Variants in PACS2 observed in about 807,000 individuals in gnomAD.
PACS2 encodes the protein phosphofurin acidic cluster sorting protein 2.
A neutral mutation model predicts 113.0 loss-of-function variants in PACS2; 36 were observed. That is an observed-to-expected ratio of 0.32 (90% confidence interval 0.24 to 0.42). PACS2 has a LOEUF of 0.42. PACS2 is among the 10% of genes least tolerant of loss of function. The pLI is 1.00. For synonymous variants in PACS2, 589 were observed against 536.1 expected (o/e 1.10, Z -1.36); for missense variants, 1,015 against 1,239.5 (o/e 0.82, Z 2.72).
chr14:105,362,098 G>T (rs587620801), intron 4 of PACS2, among the ~76,000 whole-genome samples: 39 of 151,762 alleles, frequency 2.6e-4, no homozygotes, highest in African/African-American at 8.0e-4. Context: ...CTCCAGCCTG[G>T]GCAACAAGAG....
At chr14:105,386,417 C>T (rs587742256) in intron 19 of PACS2, among the ~76,000 whole-genome samples, 2 of 152,252 alleles carry the variant, frequency 1.3e-5, no homozygotes, top group Non-Finnish European at 1.5e-5. Context: ...GCCAAACTAC[C>T]GAGACCTCCA....
chr14:105,380,360 C>A lies in PACS2; in HGVS notation c.1125+206C>A, dbSNP rs587757577. The stretch of plus-strand genomic sequence containing the variant: ...TCACTCCAGCTTCAGGGTCAGGGCG[C>A]CCTGGACTCACCCCACCCTCAGGGT... On this transcript the variant is annotated intron_variant, in intron 11 of 24. Transcript: ENST00000447393. Among the ~76,000 whole-genome samples, 1,099 of 148,836 alleles carry A rather than the reference C, an allele frequency of 7.4e-3. 17 individuals carry two copies. Among genetic ancestry groups the A allele is most frequent in the African/African-American group, 0.024 (961 of 40,372 alleles).
At position 105,301,583 on chromosome 14, in the gene PACS2, C is replaced by G. The variant is rs955173711; in HGVS notation, c.-83+604C>G. On this transcript the variant is annotated intron_variant, in intron 1 of 23. Transcript: ENST00000430725. ...ACACCCGCCAGGGGCCACCCTGCCC[C>G]GCCCTCCGCATTTGCGGCGTCCGCC... Among the ~76,000 whole-genome samples, 4 of 152,196 alleles carry G rather than the reference C, an allele frequency of 2.6e-5. No individual in the cohort carries two copies. The East Asian group carries it at 7.7e-4, about 29-fold the overall frequency.
At chr14:105,316,744 C>T (rs2058661937) in intron 1 of PACS2, among the ~76,000 whole-genome samples, 1 of 141,742 alleles carries the variant, frequency 7.1e-6, no homozygotes, top group Non-Finnish European at 1.5e-5. Context: ...TTAGGACAGG[C>T]GGGGGTAGAT....
At chr14:105,343,236 G>A (rs587724315) in intron 1 of PACS2, among the ~76,000 whole-genome samples, 2 of 152,342 alleles carry the variant, frequency 1.3e-5, no homozygotes, top group Admixed American at 6.5e-5. Flanking sequence ...GTTCCTAGCT[G>A]TTGCTGAATA....
intron 1 of PACS2, among the ~76,000 whole-genome samples, chr14:105,319,523 T>G (rs1446238074): frequency 6.6e-6 from 1 of 152,250 alleles, no homozygotes; most frequent in Non-Finnish European, 1.5e-5. Flanking sequence ...CATATAGAAA[T>G]TCAGTTGATT....
rs1555412444 is a variant in PACS2 at position 105,382,857 on chromosome 14, C to T, written c.1569C>T (p.Cys523=). The change falls in exon 15 of 25, where the codon TGC becomes TGT. Residue 523 remains cysteine, a synonymous_variant. Coordinates refer to ENST00000447393, the MANE Select transcript of PACS2 (RefSeq NM_001100913.3). The part of the protein sequence containing the change: ...QRHTLPVVCT[C]SPADVQAAFS... ...ACACGCTCCCCGTGGTGTGCACGTG[C>T]TCTCCTGCGGACGTCCAGGCGGCCT... The T allele has an allele frequency of 6.2e-7, 1 of 1,607,536 alleles. No individual in the cohort carries two copies. The highest frequency in any genetic ancestry group is 8.5e-7 in the Non-Finnish European group (1 of 1,179,438).
chr14:105,337,052 G>T (rs1225892756), intron 1 of PACS2, among the ~76,000 whole-genome samples: 2 of 152,118 alleles, frequency 1.3e-5, no homozygotes, highest in Non-Finnish European at 2.9e-5. Context: ...CTGGGCCCTC[G>T]GTCAGCACCG....
chr14:105,338,377 C>T (rs1476303852), intron 1 of PACS2, among the ~76,000 whole-genome samples: 6 of 152,184 alleles, frequency 3.9e-5, no homozygotes, highest in African/African-American at 1.4e-4. Context: ...ATGGTGCCTT[C>T]CTTCTCCCGG....
intron 24 of PACS2, among the ~76,000 whole-genome samples, chr14:105,393,905 T>C (rs2081451422): frequency 1.3e-5 from 2 of 151,860 alleles, no homozygotes; most frequent in African/African-American, 4.8e-5. Context: ...AATAATGGCT[T>C]GTAGTTTAAA....
At chr14:105,394,525 G>C in intron 24 of PACS2, 29 bp from the exon 25 acceptor site, 1 of 1,608,234 alleles carries the variant, frequency 6.2e-7, no homozygotes, top group Non-Finnish European at 8.5e-7. Flanking sequence ...GGGCAGGGGG[G>C]CAGGCGGTCA....
rs1271039581 is a variant in PACS2, at chr14:105,355,649, C to T, written c.423+472C>T. Reference sequence around the variant, plus strand: ...GGCTAGCGACAATACCCGAGCAGGGCGGGGGCAGCACCCAGAGGTCAGAGG... The same window carrying T: ...GGCTAGCGACAATACCCGAGCAGGGTGGGGGCAGCACCCAGAGGTCAGAGG... On this transcript the variant is annotated intron_variant, in intron 4 of 24. Coordinates refer to ENST00000447393, the MANE Select transcript of PACS2 (RefSeq NM_001100913.3). This position sits in a 1 kb window ranked among gnomAD's most constrained non-coding sequence, Gnocchi z 4.1. 2.0e-5 allele frequency among the ~76,000 whole-genome samples: 3 copies of T among 152,180 alleles called. No homozygotes were observed. The highest frequency in any genetic ancestry group is 4.8e-5 in the African/African-American group (2 of 41,446).
In PACS2 at chr14:105,340,987, G is replaced by A. The variant is rs2059700274; in HGVS notation, c.120-7506G>A. Among the ~76,000 whole-genome samples, 1 of 152,260 alleles carries A rather than the reference G, an allele frequency of 6.6e-6. No homozygotes were observed. The highest frequency in any genetic ancestry group is 2.1e-4 in the South Asian group (1 of 4,838). Reference sequence around the variant, plus strand: ...AGCATGGGGAGGCTCGCTACCAAGGGGTGGGGGGCTGGAGAACGGAGCTTG... The same window carrying A: ...AGCATGGGGAGGCTCGCTACCAAGGAGTGGGGGGCTGGAGAACGGAGCTTG... On this transcript the variant is annotated intron_variant, in intron 1 of 24. Transcript: ENST00000447393. This position sits in a 1 kb window ranked among gnomAD's most constrained non-coding sequence, Gnocchi z 4.2.
intron 6 of PACS2, 149 bp from the exon 7 acceptor site, chr14:105,368,310 C>G: frequency 1.2e-6 from 1 of 805,078 alleles, no homozygotes; most frequent in Non-Finnish European, 2.1e-6. Flanking sequence ...CCCAGGGGCC[C>G]GAGTTTATGC....
At chr14:105,305,434 G>A (rs976940521) in intron 1 of PACS2, among the ~76,000 whole-genome samples, 10 of 151,896 alleles carry the variant, frequency 6.6e-5, no homozygotes, top group Admixed American at 2.6e-4. Context: ...AAGAAAAAAC[G>A]TGGCTGGAGG....
At chr14:105,310,603 C>T (rs993317860), upstream of PACS2, among the ~76,000 whole-genome samples, 4 of 151,106 alleles carry the variant, frequency 2.6e-5, no homozygotes, top group Non-Finnish European at 4.4e-5. Flanking sequence ...AGATCATCCT[C>T]AATAGTTTGT....
chr14:105,343,875 A>G (rs970068164), intron 1 of PACS2, among the ~76,000 whole-genome samples: 6 of 151,374 alleles, frequency 4.0e-5, no homozygotes, highest in Admixed American at 2.0e-4. Context: ...TTGTTTTCAT[A>G]TTGTTGAGTT....
chr14:105,328,257 T>C (rs1309496235), intron 1 of PACS2, among the ~76,000 whole-genome samples: 1 of 152,156 alleles, frequency 6.6e-6, no homozygotes, highest in Admixed American at 6.5e-5. Flanking sequence ...CCAGCTTTCC[T>C]TTGACTGGGG....
chr14:105,387,366 G>A (rs1021030182), intron 19 of PACS2, among the ~76,000 whole-genome samples: 1 of 152,248 alleles, frequency 6.6e-6, no homozygotes, highest in Non-Finnish European at 1.5e-5. Context: ...GGGCGGCCTC[G>A]AGCCCCAGCC....
Sources: allele counts gnomAD v4.1 joint callset (sites outside exome capture counted in the v4.1 genomes callset), GRCh38; gene constraint gnomAD v4.1.1; non-coding constraint Gnocchi (gnomAD v3.1); transcripts MANE v1.5; gene names NCBI Gene and HGNC (gene_info 2026-07-23, HGNC 2026-07-21).